Variants in ASH1L observed in about 807,000 individuals in gnomAD.
The protein encoded by ASH1L is ASH1 like histone lysine methyltransferase.
In ASH1L, 23 loss-of-function variants were observed where a neutral mutation model predicts 269.0. The observed-to-expected ratio is 0.09, with a 90% CI of 0.06 to 0.12. The LOEUF is 0.12. Among genes scored for constraint, ASH1L ranks in the 10% least tolerant of loss-of-function variants. The pLI is 1.00. For missense variants in ASH1L, 2,912 were observed against 3,567.8 expected (o/e 0.82, Z 4.68); for synonymous variants, 1,187 against 1,253.5 (o/e 0.95, Z 1.12).
intron 17 of ASH1L, among the ~76,000 whole-genome samples, chr1:155,350,110 C>T (rs1558020804): frequency 6.6e-6 from 1 of 151,690 alleles, no homozygotes; most frequent in African/African-American, 2.4e-5. Context: ...AGGCTGGTCT[C>T]GATCTGACCT....
At chr1:155,371,062 T>C (rs1037018973) in intron 10 of ASH1L, 79 bp from the exon 11 acceptor site, 1 of 1,239,232 alleles carries the variant, frequency 8.1e-7, no homozygotes, top group Admixed American at 2.4e-5. Flanking sequence ...TTTACAAACA[T>C]TTAAAAATGA....
At chr1:155,520,807 A>C (rs1464516811) in intron 2 of ASH1L, among the ~76,000 whole-genome samples, 4 of 152,042 alleles carry the variant, frequency 2.6e-5, no homozygotes, top group African/African-American at 9.7e-5. Flanking sequence ...GGTTGCCATG[A>C]GCCGAGATCA....
At chr1:155,344,450 A>T (rs1306498013) in intron 21 of ASH1L, 177 bp from the exon 22 acceptor site, 1 of 543,844 alleles carries the variant, frequency 1.8e-6, no homozygotes, top group African/African-American at 1.9e-5. Context: ...AAGGTAGAGG[A>T]CAAAACTGAT....
intron 1 of ASH1L, among the ~76,000 whole-genome samples, chr1:155,552,683 T>G (rs1671299002): frequency 6.6e-6 from 1 of 151,602 alleles, no homozygotes; most frequent in Non-Finnish European, 1.5e-5. Flanking sequence ...TAGGCTAAAA[T>G]GAAGAGGGAA....
At chr1:155,551,006 G>A (rs908287612) in intron 1 of ASH1L, among the ~76,000 whole-genome samples, 1 of 151,946 alleles carries the variant, frequency 6.6e-6, no homozygotes, top group Non-Finnish European at 1.5e-5. Flanking sequence ...AATTTTTTTA[G>A]AGACATGGTC....
At position 155,370,982 on chromosome 1, in the gene ASH1L, T is replaced by C. The variant is rs1218923656; in HGVS notation, c.6334A>G (p.Met2112Val). 3.7e-6 allele frequency: 6 copies of C among 1,612,296 alleles called. No individual in the cohort carries two copies. In the Admixed American group the frequency reaches 5.1e-5, roughly 14 times the overall value. ...TTGGGGGAACACTCAGCAAAGATCA[T>C]TCTAGAAAAAAAAGGAATAACTGTA... is the stretch of plus-strand genomic sequence containing the variant. ...KGCVDDCLNR[M>V]IFAECSPNTC... is the part of the protein sequence containing the mutation. Residue 2112 changes from methionine (M) to valine (V), a missense_variant and splice_region_variant, in exon 11 of 28, where the codon ATG becomes GTG. Transcript: ENST00000392403.
chr1:155,483,467 A>G (rs1474876702), intron 2 of ASH1L, among the ~76,000 whole-genome samples: 1 of 152,176 alleles, frequency 6.6e-6, no homozygotes, highest in African/African-American at 2.4e-5. Flanking sequence ...TTGAAACAGT[A>G]CAGAAGTGAC....
chr1:155,484,106 A>G (rs1399047285), intron 2 of ASH1L, among the ~76,000 whole-genome samples: 1 of 152,218 alleles, frequency 6.6e-6, no homozygotes, highest in African/African-American at 2.4e-5. Flanking sequence ...CTATGCATCT[A>G]ACTTTATGGT....
intron 2 of ASH1L, among the ~76,000 whole-genome samples, chr1:155,488,174 T>G (rs1276375144): frequency 2.6e-5 from 4 of 151,914 alleles, no homozygotes; most frequent in Non-Finnish European, 5.9e-5. Context: ...CATGAGCCAT[T>G]GTGCCTGGCC....
At chr1:155,495,764 G>T (rs924069505) in intron 2 of ASH1L, among the ~76,000 whole-genome samples, 1 of 152,200 alleles carries the variant, frequency 6.6e-6, no homozygotes, top group South Asian at 2.1e-4. Flanking sequence ...TTGGGAGGCT[G>T]AGGCCAGCGG....
intron 2 of ASH1L, among the ~76,000 whole-genome samples, chr1:155,486,928 G>A (rs1666367275): frequency 2.0e-5 from 3 of 152,038 alleles, no homozygotes; most frequent in Admixed American, 2.0e-4. Context: ...CACTTTGGGA[G>A]GCTGATGCGG....
chr1:155,515,603 G>C (rs751307913), intron 2 of ASH1L, among the ~76,000 whole-genome samples: 5 of 151,974 alleles, frequency 3.3e-5, no homozygotes, highest in Non-Finnish European at 5.9e-5. Flanking sequence ...TGAGGCAGGC[G>C]AATCACCTGA....
chr1:155,482,017 T>C lies in ASH1L; in HGVS notation c.853A>G (p.Lys285Glu), dbSNP rs1338483773. The change falls in exon 3 of 28, where the codon AAA (lysine) becomes GAA (glutamate). Residue 285 changes from lysine (K) to glutamate (E), a missense_variant. By Grantham distance (56) the Lys-to-Glu change is moderately conservative. Transcript: ENST00000392403. ...TISTAVGLVT[K>E]DPGKKPVFNA... ...AACACTGGCTTTTTCCCAGGATCTT[T>C]AGTTACCAATCCAACTGCTGTGCTG... 6.2e-7 allele frequency: 1 copy of C among 1,614,082 alleles called. No homozygotes were observed.
chr1:155,516,192 C>T (rs183094944), intron 2 of ASH1L, among the ~76,000 whole-genome samples: 1 of 151,942 alleles, frequency 6.6e-6, no homozygotes, highest in Admixed American at 6.6e-5. Flanking sequence ...TCAGTAATGG[C>T]CATTGGGAGT....
chr1:155,516,801 T>G (rs923714628), intron 2 of ASH1L, among the ~76,000 whole-genome samples: 1 of 152,030 alleles, frequency 6.6e-6, no homozygotes, highest in Non-Finnish European at 1.5e-5. Context: ...CTAGTTGTAT[T>G]TCTATATATT....
intron 5 of ASH1L, among the ~76,000 whole-genome samples, chr1:155,422,192 C>T (rs1407663731): frequency 6.6e-6 from 1 of 152,024 alleles, no homozygotes; most frequent in Admixed American, 6.6e-5. Flanking sequence ...GGCTGGAGTG[C>T]AGTGGCACGA....
Position 155,544,944 on chromosome 1 carries a change from G to A in ASH1L, c.-100+17209C>T, listed in dbSNP as rs970299508. Among the ~76,000 whole-genome samples the A allele has an allele frequency of 2.1e-4, 32 of 151,172 alleles. 1 individual carries two copies. The highest frequency in any genetic ancestry group is 7.0e-4 in the African/African-American group (29 of 41,246). Reference sequence around the variant, plus strand: ...TTCTAGCACTTTGGGAGGCTGAGGCGGGCGGATCACCTGAGGTCGGGAGTT... The same window carrying A: ...TTCTAGCACTTTGGGAGGCTGAGGCAGGCGGATCACCTGAGGTCGGGAGTT... On this transcript the variant is annotated intron_variant, in intron 1 of 27. Coordinates refer to ENST00000392403, the MANE Select transcript of ASH1L (RefSeq NM_018489.3).
intron 1 of ASH1L, among the ~76,000 whole-genome samples, chr1:155,541,930 A>C (rs1285653926): frequency 6.6e-6 from 1 of 152,196 alleles, no homozygotes; most frequent in Non-Finnish European, 1.5e-5. Context: ...AATAGACATA[A>C]ATTTCCAATT....
At position 155,438,862 on chromosome 1, in the gene ASH1L, G is replaced by A. The variant is rs771549332; in HGVS notation, c.5293C>T (p.Leu1765Phe). Residue 1765 changes from leucine to phenylalanine, a missense_variant, in exon 5 of 28, where the codon CTT becomes TTT. By Grantham distance (22) the Leu-to-Phe change is conservative (BLOSUM62 0). Coordinates refer to ENST00000392403, the MANE Select transcript of ASH1L (RefSeq NM_018489.3). ...TCACTTGTGACTGCAGGCACTAAAA[G>A]GCTGTCTGGTTTTCCCAGGGTTCGG... ...KDRTLGKPDS[L>F]LVPAVTSDSC... is the part of the protein sequence containing the mutation. The A allele has an allele frequency of 4.3e-6, 7 of 1,614,182 alleles. No individual in the cohort carries two copies. Among genetic ancestry groups the A allele is most frequent in the Admixed American group, 1.7e-5 (1 of 60,018 alleles).
Sources: allele counts gnomAD v4.1 joint callset (sites outside exome capture counted in the v4.1 genomes callset), GRCh38; gene constraint gnomAD v4.1.1; transcripts MANE v1.5; gene names NCBI Gene and HGNC (gene_info 2026-07-23, HGNC 2026-07-21).